The following CDC123 variants were observed in gnomAD, a reference collection of about 807,000 sequenced individuals.
CDC123 encodes the protein translation initiation factor eIF2 assembly protein.
In CDC123, 37 loss-of-function variants were observed where a neutral mutation model predicts 54.4. The observed-to-expected ratio is 0.68, with a 90% CI of 0.52 to 0.89. CDC123 has a LOEUF of 0.89. Among genes scored for constraint, CDC123 ranks in the 40% least tolerant of loss-of-function variants. The pLI, the probability that CDC123 is intolerant of heterozygous loss-of-function variation, is 0.00. For missense variants in CDC123, 361 were observed against 412.1 expected (o/e 0.88, Z 1.07); for synonymous variants, 144 against 136.8 (o/e 1.05, Z -0.37).
chr10:12,201,815 T>C (rs937690709), intron 2 of CDC123, among the ~76,000 whole-genome samples: 4 of 152,144 alleles, frequency 2.6e-5, no homozygotes, highest in African/African-American at 9.7e-5. Context: ...TAGGAGGATA[T>C]TGCATTTGAC....
intron 12 of CDC123, 128 bp downstream of exon 12, chr10:12,249,846 C>G (rs1327325650): frequency 3.3e-6 from 4 of 1,208,506 alleles, no homozygotes; most frequent in Non-Finnish European, 4.5e-6. Flanking sequence ...AACCAAGTTA[C>G]TGAGTTAGAG....
intron 2 of CDC123, 107 bp downstream of exon 2, chr10:12,198,883 T>C (rs1439278700): frequency 7.4e-6 from 5 of 675,470 alleles, no homozygotes; most frequent in Non-Finnish European, 1.3e-5. Context: ...TTTTCTCTCC[T>C]AGCCAAAATG....
intron 6 of CDC123, among the ~76,000 whole-genome samples, chr10:12,219,564 C>T (rs56399621): frequency 6.6e-6 from 1 of 152,134 alleles, no homozygotes; most frequent in Non-Finnish European, 1.5e-5. Flanking sequence ...GAGATACCCT[C>T]TGAAAAATAG....
At chr10:12,212,535 A>ACTGT (rs1199450547) in intron 4 of CDC123, among the ~76,000 whole-genome samples, 2 of 152,198 alleles carry the variant, frequency 1.3e-5, no homozygotes, top group Non-Finnish European at 2.9e-5. Flanking sequence ...ACTGACTATC[A>ACTGT]CTGTGTTGCC....
At chr10:12,206,932 G>C (rs373965941) in intron 2 of CDC123, among the ~76,000 whole-genome samples, 17 of 145,986 alleles carry the variant, frequency 1.2e-4, no homozygotes, top group South Asian at 4.4e-4. Flanking sequence ...GCACTCCAGC[G>C]TGGGCAACAG....
rs997889483 is a variant in CDC123, at chr10:12,201,695, A to G, written c.146+2919A>G. Among the ~76,000 whole-genome samples, 6 of 152,146 alleles carry G rather than the reference A, an allele frequency of 3.9e-5. No individual in the cohort carries two copies. In the East Asian group the frequency reaches 7.7e-4, roughly 19 times the overall value. On this transcript the variant is annotated intron_variant, in intron 2 of 12. Transcript: ENST00000281141. Reference sequence around the variant, plus strand: ...TGGGAGTCATGTTAAAGATGCTGCAATTTATTCTGAGAACGTCAGGAAGGC... The same window carrying G: ...TGGGAGTCATGTTAAAGATGCTGCAGTTTATTCTGAGAACGTCAGGAAGGC...
rs1835406011 is a variant in CDC123, at chr10:12,199,180, C to T, written c.146+404C>T. Among the ~76,000 whole-genome samples, 5 of 152,294 alleles carry T rather than the reference C, an allele frequency of 3.3e-5. No homozygotes were observed. The South Asian group carries it at 6.2e-4, about 19-fold the overall frequency. ...ATTTTCTTCCCCACGATTGAACTAC[C>T]GTGGCCCCCCCTCCACTTTCTAGAA... On this transcript the variant is annotated intron_variant, in intron 2 of 12. Coordinates refer to ENST00000281141, the MANE Select transcript of CDC123 (RefSeq NM_006023.3).
Position 12,249,127 on chromosome 10 carries a change from C to CAA in CDC123, c.847-438_847-437dup, listed in dbSNP as rs58244020. On this transcript the variant is annotated intron_variant, in intron 11 of 12. Coordinates refer to ENST00000281141, the MANE Select transcript of CDC123 (RefSeq NM_006023.3). ...CTGAGAACAGAGCGAGACTTTGCCT[C>CAA]AAAAAAAAAAAAAAAAATAGTTTGG... 2.0e-3 allele frequency among the ~76,000 whole-genome samples: 269 copies of CAA among 133,958 alleles called. 3 individuals are homozygous for CAA. The highest frequency in any genetic ancestry group is 6.3e-3 in the African/African-American group (224 of 35,712). 87.9% of individuals were successfully genotyped at this position (133,958 alleles called of 152,430 possible). A position where few individuals can be genotyped will look rare whatever the true frequency, so the allele number is the denominator to read the frequency against.
In CDC123 at chr10:12,249,777, C is replaced by T. The variant is rs541063474; in HGVS notation, c.984+59C>T. 2.0e-6 allele frequency: 3 copies of T among 1,527,668 alleles called. No individual in the cohort carries two copies. In the Admixed American group the frequency reaches 6.8e-5, roughly 35 times the overall value. 94.6% of individuals were successfully genotyped at this position (1,527,668 alleles called of 1,614,324 possible). A position where few individuals can be genotyped will look rare whatever the true frequency, so the allele number is the denominator to read the frequency against. On this transcript the variant is annotated intron_variant, in intron 12 of 12. Transcript: ENST00000281141. ...CTTTTCAAATAGACCTTCAAATTGG[C>T]TTTTATATAATATTTCATTGGAATC...
rs374650719 is a variant in CDC123, at chr10:12,249,723, A to G, written c.984+5A>G. 8.0e-5 allele frequency: 128 copies of G among 1,598,620 alleles called. No individual in the cohort carries two copies. Among genetic ancestry groups the G allele is most frequent in the Non-Finnish European group, 1.1e-4 (125 of 1,174,764 alleles). ...CTAATAGACTTCCTTAAGCTGGTAA[A>G]GTCTATGTGCATTTAGTATGCTGGC... On this transcript the variant is annotated splice_donor_5th_base_variant and intron_variant, in intron 12 of 12. Coordinates refer to ENST00000281141, the MANE Select transcript of CDC123 (RefSeq NM_006023.3).
At chr10:12,237,326 T>C in intron 9 of CDC123, 60 bp downstream of exon 9, 1 of 1,368,750 alleles carries the variant, frequency 7.3e-7, no homozygotes, top group Non-Finnish European at 9.7e-7. Flanking sequence ...TACTGGACCT[T>C]ATTTACTATG....
chr10:12,250,265 C>T (rs1836222360), intron 12 of CDC123, 46 bp from the exon 13 acceptor site: 3 of 1,305,872 alleles, frequency 2.3e-6, no homozygotes, highest in Non-Finnish European at 3.2e-6. Context: ...GCAGATATCC[C>T]AAGGAGCATG....
intron 4 of CDC123, among the ~76,000 whole-genome samples, chr10:12,211,942 G>A (rs1444778183): frequency 6.6e-6 from 1 of 152,138 alleles, no homozygotes; most frequent in African/African-American, 2.4e-5. Context: ...CAAAAAGCTA[G>A]CCAGGCATGG....
chr10:12,222,504 G>A (rs1205356440), intron 6 of CDC123, among the ~76,000 whole-genome samples: 1 of 152,160 alleles, frequency 6.6e-6, no homozygotes, highest in East Asian at 1.9e-4. Flanking sequence ...ACATAAATTT[G>A]CTGACTGTGT....
Position 12,217,461 on chromosome 10 carries a change from C to G in CDC123, c.434C>G (p.Thr145Ser). The part of the protein sequence containing the change: ...KSSDFITRDF[T>S]QPFIHCTDDS... ...TCCGATTTCATCACTCGTGACTTCA[C>G]TCAGCCGTAAGTATCTCTTATTCTC... The change falls in exon 6 of 13, where the codon ACT becomes AGT. Residue 145 changes from threonine (T) to serine (S), a missense_variant. Coordinates refer to ENST00000281141, the MANE Select transcript of CDC123 (RefSeq NM_006023.3). The G allele has an allele frequency of 6.2e-7, 1 of 1,613,656 alleles. No homozygotes were observed. Among genetic ancestry groups the G allele is most frequent in the Non-Finnish European group, 8.5e-7 (1 of 1,179,786 alleles).
chr10:12,224,576 G>A (rs1404561375), intron 6 of CDC123, among the ~76,000 whole-genome samples: 1 of 152,156 alleles, frequency 6.6e-6, no homozygotes, highest in African/African-American at 2.4e-5. Flanking sequence ...TAGCTTGCTA[G>A]AGGGACTATA....
chr10:12,245,800 G>C (rs183787294), intron 10 of CDC123: 2 of 176,098 alleles, frequency 1.1e-5, no homozygotes, highest in African/African-American at 4.7e-5. Context: ...GCCGGGCGAC[G>C]TGGCTTATGT....
chr10:12,239,140 G>C (rs1281809065), intron 10 of CDC123, among the ~76,000 whole-genome samples: 7 of 151,988 alleles, frequency 4.6e-5, no homozygotes, highest in Admixed American at 4.6e-4. Flanking sequence ...GGGTGACAGA[G>C]TGAGACCCCA....
chr10:12,209,830 C>T (rs569633645), intron 2 of CDC123, 137 bp from the exon 3 acceptor site: 3 of 763,884 alleles, frequency 3.9e-6, no homozygotes, highest in East Asian at 2.7e-5. Flanking sequence ...TGCCAGAGTG[C>T]TAGGATTACA....
Sources: gnomAD v4.1 joint callset for allele counts (sites outside exome capture counted in the v4.1 genomes callset) on GRCh38, gnomAD v4.1.1 for gene constraint, MANE v1.5 for transcripts, NCBI Gene and HGNC (gene_info 2026-07-23, HGNC 2026-07-21) for gene names.